The following SCD5 variants were observed in gnomAD, a reference collection of about 807,000 sequenced individuals.
SCD5 encodes stearoyl-CoA desaturase 5.
In SCD5, 20 loss-of-function variants were observed where a neutral mutation model predicts 30.4. That is an observed-to-expected ratio of 0.66 (90% CI 0.46 to 0.96). The LOEUF (loss-of-function observed/expected upper bound fraction) is 0.96. Among genes scored for constraint, SCD5 ranks in the 40% least tolerant of loss-of-function variants. The pLI is 0.00. For missense variants in SCD5, 381 were observed against 443.3 expected (o/e 0.86, Z 1.26); for synonymous variants, 173 against 176.4 (o/e 0.98, Z 0.16).
In SCD5 at chr4:82,776,204, G is replaced by T. The variant is rs112677395; in HGVS notation, c.232+22102C>A. ...TGTGGAGCGTATCTGTGCCAGATAC[G>T]GTGGGGAGTTTGTGTGTCTGTTAGA... On this transcript the variant is annotated intron_variant, in intron 1 of 4. Coordinates refer to ENST00000319540, the MANE Select transcript of SCD5 (RefSeq NM_001037582.3). 4.9e-3 allele frequency: 753 copies of T among 152,338 alleles called. 4 individuals carry two copies. The highest frequency in any genetic ancestry group is 6.1e-3 in the Non-Finnish European group (412 of 68,056). The allele number at this position is 152,338 out of a possible 1,614,324, so 9.4% of individuals were successfully genotyped here. A position where few individuals can be genotyped will look rare whatever the true frequency, so the allele number is the denominator to read the frequency against.
At chr4:82,659,015 T>C (rs1218375115) in intron 3 of SCD5, among the ~76,000 whole-genome samples, 4 of 152,148 alleles carry the variant, frequency 2.6e-5, no homozygotes, top group African/African-American at 9.7e-5. Context: ...TTTCAGAACT[T>C]GTTATTGGTC....
At chr4:82,787,896 G>A (rs879551549) in intron 1 of SCD5, among the ~76,000 whole-genome samples, 1 of 152,116 alleles carries the variant, frequency 6.6e-6, no homozygotes, top group Non-Finnish European at 1.5e-5. Context: ...AATTAACCAG[G>A]TATGGTAGCA....
chr4:82,644,609 G>A (rs1727602829), intron 3 of SCD5, among the ~76,000 whole-genome samples: 1 of 152,210 alleles, frequency 6.6e-6, no homozygotes, highest in Non-Finnish European at 1.5e-5. Flanking sequence ...GTAAGGCAAG[G>A]AGTACGATAC....
At chr4:82,708,128 C>A (rs765809929) in intron 1 of SCD5, among the ~76,000 whole-genome samples, 1 of 151,964 alleles carries the variant, frequency 6.6e-6, no homozygotes, top group Non-Finnish European at 1.5e-5. Flanking sequence ...CTAATGGGTT[C>A]TATGAATAAA....
At chr4:82,662,243 G>C (rs55692203) in intron 3 of SCD5, among the ~76,000 whole-genome samples, 1 of 151,942 alleles carries the variant, frequency 6.6e-6, no homozygotes, top group Non-Finnish European at 1.5e-5. Flanking sequence ...TTTTGGTAGA[G>C]ACAGGATCTA....
chr4:82,734,903 T>C (rs1720715285), intron 1 of SCD5, among the ~76,000 whole-genome samples: 1 of 152,100 alleles, frequency 6.6e-6, no homozygotes, highest in Middle Eastern at 3.2e-3. Context: ...GTGCTGGGAT[T>C]ACAGGTGTGT....
chr4:82,704,054 CA>C (rs1254108878), intron 2 of SCD5, among the ~76,000 whole-genome samples: 2 of 152,198 alleles, frequency 1.3e-5, no homozygotes, highest in Non-Finnish European at 2.9e-5. Context: ...GAATGACAAG[CA>C]GTATATATAC....
chr4:82,710,476 C>A (rs11940387), intron 1 of SCD5, among the ~76,000 whole-genome samples: 9,606 of 152,210 alleles, frequency 0.063, 327 homozygotes, highest in South Asian at 0.1. Context: ...GAGCTGCCCC[C>A]TAGGCTCTCA....
At chr4:82,697,613 AG>A (rs1719723118) in intron 2 of SCD5, among the ~76,000 whole-genome samples, 1 of 152,206 alleles carries the variant, frequency 6.6e-6, no homozygotes, top group Non-Finnish European at 1.5e-5. Context: ...AAGGCATCTT[AG>A]GGGTGGGGAA....
At chr4:82,698,003 T>C in intron 2 of SCD5, 1 of 456,726 alleles carries the variant, frequency 2.2e-6, no homozygotes, top group East Asian at 6.9e-5. Context: ...ATGTGAGGCA[T>C]GATGTGCAAA....
At chr4:82,696,577 A>T (rs552467216) in intron 2 of SCD5, among the ~76,000 whole-genome samples, 1 of 152,356 alleles carries the variant, frequency 6.6e-6, no homozygotes, top group Admixed American at 6.5e-5. Flanking sequence ...TGCTGCAGAC[A>T]TCATTGAGGA....
intron 2 of SCD5, chr4:82,698,117 C>T (rs1436149223): frequency 6.6e-6 from 3 of 456,384 alleles, no homozygotes; most frequent in African/African-American, 2.0e-5. Flanking sequence ...ACAACACCCA[C>T]CCATCTTGAA....
chr4:82,765,585 G>A (rs1305150082), intron 1 of SCD5, among the ~76,000 whole-genome samples: 2 of 151,148 alleles, frequency 1.3e-5, no homozygotes, highest in Non-Finnish European at 2.9e-5. Flanking sequence ...ATACTGTATT[G>A]CTTTTTGTAT....
intron 3 of SCD5, among the ~76,000 whole-genome samples, chr4:82,665,003 A>C (rs71631358): frequency 0.01 from 1,074 of 105,012 alleles, 15 homozygotes; most frequent in African/African-American, 0.023. Context: ...CTCTCTCTAT[A>C]TATATATATA....
intron 1 of SCD5, among the ~76,000 whole-genome samples, chr4:82,793,627 C>A (rs1025393930): frequency 6.6e-6 from 1 of 152,108 alleles, no homozygotes; most frequent in Admixed American, 6.5e-5. Flanking sequence ...AGTATTAGGA[C>A]CAATAATAAT....
intron 3 of SCD5, among the ~76,000 whole-genome samples, chr4:82,675,647 A>C (rs371422450): frequency 9.2e-5 from 14 of 152,344 alleles, no homozygotes; most frequent in Admixed American, 3.9e-4. Context: ...CAGCATTTAC[A>C]TGTAACCTCT....
intron 3 of SCD5, among the ~76,000 whole-genome samples, chr4:82,655,538 A>T (rs954496172): frequency 6.6e-6 from 1 of 152,222 alleles, no homozygotes; most frequent in Non-Finnish European, 1.5e-5. Flanking sequence ...GCACATAATT[A>T]GGATGAAAAC....
At chr4:82,754,996 G>A (rs1045345966) in intron 1 of SCD5, among the ~76,000 whole-genome samples, 2 of 152,108 alleles carry the variant, frequency 1.3e-5, no homozygotes, top group Non-Finnish European at 2.9e-5. Context: ...GTGCCAAAGT[G>A]CCTAGGCTAA....
At chr4:82,764,165 A>G (rs1721438578) in intron 1 of SCD5, among the ~76,000 whole-genome samples, 1 of 152,186 alleles carries the variant, frequency 6.6e-6, no homozygotes, top group Non-Finnish European at 1.5e-5. Context: ...ACAACTATGT[A>G]AATTTAAATT....
Sources: gnomAD v4.1 joint callset for allele counts (sites outside exome capture counted in the v4.1 genomes callset) on GRCh38, gnomAD v4.1.1 for gene constraint, MANE v1.5 for transcripts, NCBI Gene and HGNC (gene_info 2026-07-23, HGNC 2026-07-21) for gene names.